The following ODAD1 variants were observed in gnomAD, a reference collection of about 807,000 sequenced individuals.
ODAD1 encodes the protein outer dynein arm-docking complex subunit 1.
A neutral mutation model predicts 67.2 loss-of-function variants in ODAD1; 49 were observed. The observed-to-expected ratio is 0.73, with a 90% confidence interval of 0.58 to 0.92. The LOEUF (loss-of-function observed/expected upper bound fraction) is 0.92. Among genes scored for constraint, ODAD1 ranks in the 40% least tolerant of loss-of-function variants. The probability of loss-of-function intolerance (pLI) is 0.00; values close to 1 mark genes in which losing one functional copy is unlikely to be tolerated. For missense variants in ODAD1, 897 were observed against 953.7 expected (o/e 0.94, Z 0.78); for synonymous variants, 345 against 393.7 (o/e 0.88, Z 1.46).
Position 48,298,167 on chromosome 19 carries a change from C to T in ODAD1, c.1404+10G>A, listed in dbSNP as rs371519705. The T allele has an allele frequency of 4.2e-5, 68 of 1,612,370 alleles. 1 individual carries two copies. The highest frequency in any genetic ancestry group is 3.7e-4 in the South Asian group (34 of 91,066). On this transcript the variant is annotated intron_variant, in intron 13 of 15. Transcript: ENST00000674294. ...CCGGCCTCCTGTCCCGGCTCCCTGC[C>T]GTCTCCCACCTGGGCATGTAGGAAG...
At chr19:48,299,502 C>T (rs1243711363) in intron 12 of ODAD1, among the ~76,000 whole-genome samples, 1 of 151,972 alleles carries the variant, frequency 6.6e-6, no homozygotes, top group Non-Finnish European at 1.5e-5. Flanking sequence ...TGGCTACTTC[C>T]TGAAAAATAA....
At chr19:48,302,601 G>A in intron 12 of ODAD1, 93 bp downstream of exon 12, 4 of 1,024,508 alleles carry the variant, frequency 3.9e-6, no homozygotes, top group Admixed American at 2.2e-5. Context: ...AGTGAACCAG[G>A]TTGTCCATGC....
intron 14 of ODAD1, 50 bp from the exon 15 acceptor site, chr19:48,297,718 A>G: frequency 7.3e-7 from 1 of 1,370,946 alleles, no homozygotes. Flanking sequence ...GCCCTCAAAA[A>G]GGCCAGCGGC....
chr19:48,314,578 T>C (rs1418822321), intron 5 of ODAD1, among the ~76,000 whole-genome samples: 1 of 152,206 alleles, frequency 6.6e-6, no homozygotes, highest in African/African-American at 2.4e-5. Context: ...GAGAGGGCGC[T>C]ATCATCCTTT....
chr19:48,297,065 G>GGCCTCCGCTCGAATCAGACGCTGT lies in ODAD1; in HGVS notation c.2011_2034dup (p.Thr671_Gly678dup). Reference sequence around the variant, plus strand: ...GAGACGTGGTCTCTGCTGGACCCGAGGCCTCCGCTCGAATCAGACGCTGTG... The same window carrying GGCCTCCGCTCGAATCAGACGCTGT: ...GAGACGTGGTCTCTGCTGGACCCGAGGCCTCCGCTCGAATCAGACGCTGTGCCTCCGCTCGAATCAGACGCTGTG... On this transcript the variant is annotated inframe_insertion, in exon 16 of 16. Transcript: ENST00000674294. 1.2e-6 allele frequency: 2 copies of GGCCTCCGCTCGAATCAGACGCTGT among 1,613,096 alleles called. No individual in the cohort carries two copies. Among genetic ancestry groups the GGCCTCCGCTCGAATCAGACGCTGT allele is most frequent in the African/African-American group, 1.3e-5 (1 of 75,020 alleles).
At chr19:48,319,156 C>T (rs1415661525) in intron 3 of ODAD1, among the ~76,000 whole-genome samples, 1 of 152,024 alleles carries the variant, frequency 6.6e-6, no homozygotes, top group Non-Finnish European at 1.5e-5. Context: ...CCACCATCAG[C>T]AGCCCTCAGC....
chr19:48,298,727 C>G (rs1020874662), intron 12 of ODAD1, among the ~76,000 whole-genome samples: 2 of 152,186 alleles, frequency 1.3e-5, no homozygotes, highest in African/African-American at 4.8e-5. Context: ...CTGGGCCCCA[C>G]AAATTATGGT....
At chr19:48,303,482 GCCA>G in intron 10 of ODAD1, 165 bp downstream of exon 10, 1 of 748,882 alleles carries the variant, frequency 1.3e-6, no homozygotes, top group Non-Finnish European at 2.2e-6. Flanking sequence ...CAGAGACAGG[GCCA>G]CGGTAAGACG....
chr19:48,302,874 G>A lies in ODAD1; in HGVS notation c.1072-12C>T. The A allele has an allele frequency of 6.2e-7, 1 of 1,613,724 alleles. No homozygotes were observed. The highest frequency in any genetic ancestry group is 8.5e-7 in the Non-Finnish European group (1 of 1,179,798). On this transcript the variant is annotated splice_polypyrimidine_tract_variant and intron_variant, in intron 11 of 15. Transcript: ENST00000674294. ...AAAGCCTCCTGCATCTGTGGGGACAGGGCTGAATGCTGGGCCAGATGGCAG... is the reference window on the plus strand; with the variant it reads ...AAAGCCTCCTGCATCTGTGGGGACAAGGCTGAATGCTGGGCCAGATGGCAG...
intron 6 of ODAD1, 148 bp from the exon 7 acceptor site, chr19:48,311,814 G>C: frequency 1.3e-6 from 1 of 787,328 alleles, no homozygotes; most frequent in South Asian, 1.7e-5. Context: ...CGAAATCAAT[G>C]TCCACTCCCC....
At chr19:48,309,998 G>A (rs1463170880) in intron 7 of ODAD1, among the ~76,000 whole-genome samples, 2 of 152,196 alleles carry the variant, frequency 1.3e-5, no homozygotes, top group African/African-American at 4.8e-5. Flanking sequence ...ACTTTGGGAG[G>A]CTGAGGCGGG....
intron 7 of ODAD1, among the ~76,000 whole-genome samples, chr19:48,309,952 C>A (rs560853116): frequency 6.6e-6 from 1 of 152,092 alleles, no homozygotes; most frequent in African/African-American, 2.4e-5. Context: ...TCAGATAAAC[C>A]GGCCGGGCGT....
intron 12 of ODAD1, among the ~76,000 whole-genome samples, chr19:48,302,367 A>G (rs1306758731): frequency 4.2e-5 from 6 of 142,502 alleles, no homozygotes; most frequent in African/African-American, 1.0e-4. Flanking sequence ...ACAGACGTTG[A>G]ATGGATGGAT....
intron 5 of ODAD1, among the ~76,000 whole-genome samples, chr19:48,313,896 A>C (rs1895662141): frequency 6.8e-6 from 1 of 147,624 alleles, no homozygotes; most frequent in Non-Finnish European, 1.5e-5. Flanking sequence ...ACAAAACAAA[A>C]CAAAAAAGGA....
chr19:48,304,079 T>C lies in ODAD1; in HGVS notation c.727A>G (p.Ser243Gly), dbSNP rs761608877. 3 of 1,614,090 alleles carry C rather than the reference T, an allele frequency of 1.9e-6. No individual in the cohort carries two copies. The highest frequency in any genetic ancestry group is 2.2e-5 in the South Asian group (2 of 91,086). ...RERAEKEEAQSEMEAQVLQRQ... is the reference protein window; with the variant it reads ...RERAEKEEAQGEMEAQVLQRQ... ...TGCAGGACCTGCGCCTCCATCTCGC[T>C]CTGGGCCTCCTCTTTCTCCGCGCGC... Residue 243 changes from serine (S) to glycine (G), a missense_variant, in exon 9 of 16, where the codon AGC becomes GGC. Physicochemically the swap from Ser to Gly is moderately conservative, Grantham distance 56 (BLOSUM62 0). Coordinates refer to ENST00000674294, the MANE Select transcript of ODAD1 (RefSeq NM_001364171.2).
rs573371606 is a variant in ODAD1 at position 48,321,886 on chromosome 19, G to T, written c.-272C>A. The T allele has an allele frequency of 1.3e-5, 5 of 398,230 alleles. No homozygotes were observed. Among genetic ancestry groups the T allele is most frequent in the South Asian group, 2.5e-4 (2 of 7,868 alleles). 24.7% of individuals were successfully genotyped at this position (398,230 alleles called of 1,614,324 possible). ...AGGAGCGCTCAACACAGCCTCAGCG[G>T]TTCACTACGCAAGCGCGACCAACGG... On this transcript the variant is annotated 5_prime_UTR_variant, in exon 1 of 16. Coordinates refer to ENST00000674294, the MANE Select transcript of ODAD1 (RefSeq NM_001364171.2).
chr19:48,308,888 C>T (rs557521230), intron 7 of ODAD1, among the ~76,000 whole-genome samples: 2 of 152,236 alleles, frequency 1.3e-5, no homozygotes, highest in Admixed American at 6.5e-5. Flanking sequence ...CTGCCCAACC[C>T]GCAGCTACAG....
At chr19:48,308,626 G>A (rs1219481518) in intron 7 of ODAD1, among the ~76,000 whole-genome samples, 2 of 152,256 alleles carry the variant, frequency 1.3e-5, no homozygotes, top group Non-Finnish European at 2.9e-5. Flanking sequence ...GCTGCTGGCT[G>A]TGGCTGCACA....
At chr19:48,311,228 A>G (rs1372896085) in intron 7 of ODAD1, among the ~76,000 whole-genome samples, 1 of 152,136 alleles carries the variant, frequency 6.6e-6, no homozygotes, top group Non-Finnish European at 1.5e-5. Context: ...AGAAAGAAAG[A>G]AAGTCAAAAG....
Sources: gnomAD v4.1 joint callset for allele counts (sites outside exome capture counted in the v4.1 genomes callset) on GRCh38, gnomAD v4.1.1 for gene constraint, MANE v1.5 for transcripts, NCBI Gene and HGNC (gene_info 2026-07-23, HGNC 2026-07-21) for gene names.